The following CALN1 variants were observed in gnomAD, a reference collection of about 807,000 sequenced individuals.
The protein encoded by CALN1 is calcium-binding protein 8.
Under a neutral mutation model 30.6 loss-of-function variants are expected in CALN1, and 17 were observed. The ratio of observed to expected loss-of-function variants is 0.56; its 90% CI spans 0.38 to 0.83. The LOEUF is 0.83. Ranked by LOEUF, CALN1 falls within the 40% of genes least tolerant of loss-of-function variation. The pLI is 0.00. For missense variants in CALN1, 291 were observed against 354.9 expected (o/e 0.82, Z 1.45); for synonymous variants, 156 against 131.4 (o/e 1.19, Z -1.28).
chr7:72,392,571 G>A (rs1805643567), intron 2 of CALN1, among the ~76,000 whole-genome samples: 1 of 152,188 alleles, frequency 6.6e-6, no homozygotes, highest in African/African-American at 2.4e-5. Flanking sequence ...TGTACCCAGA[G>A]TAGTACTGTC....
chr7:72,164,251 C>T (rs1449925776), intron 3 of CALN1, among the ~76,000 whole-genome samples: 1 of 151,566 alleles, frequency 6.6e-6, no homozygotes, highest in Non-Finnish European at 1.5e-5. Flanking sequence ...GCCTATAATC[C>T]TAGCCACTCT....
intron 5 of CALN1, among the ~76,000 whole-genome samples, chr7:71,855,247 T>TG (rs1183093888): frequency 6.6e-6 from 1 of 152,186 alleles, no homozygotes; most frequent in African/African-American, 2.4e-5. Context: ...GATGCAAACT[T>TG]GCATGTCTCA....
Position 71,783,268 on chromosome 7 carries a change from AG to A in CALN1, c.*4506del, listed in dbSNP as rs2115769545. On this transcript the variant is annotated 3_prime_UTR_variant, in exon 7 of 7. Transcript: ENST00000395275. The stretch of plus-strand genomic sequence containing the variant: ...CTGCAGACCTCCTGGTTATACAACC[AG>A]GATGTGTGACGTGCTGAAGTCTAAA... 1 of 152,272 alleles carries A rather than the reference AG, an allele frequency of 6.6e-6. No homozygotes were observed. The highest frequency in any genetic ancestry group is 1.9e-4 in the East Asian group (1 of 5,166). 9.4% of individuals were successfully genotyped at this position (152,272 alleles called of 1,614,324 possible). A position where few individuals can be genotyped will look rare whatever the true frequency, so the allele number is the denominator to read the frequency against.
chr7:72,287,472 G>A (rs1277676406), intron 2 of CALN1, among the ~76,000 whole-genome samples: 6 of 109,592 alleles, frequency 5.5e-5, no homozygotes, highest in African/African-American at 1.1e-4. Flanking sequence ...TTGAGACAGA[G>A]TCTCGGCTCT....
chr7:72,231,143 G>A (rs1794072862), intron 3 of CALN1, among the ~76,000 whole-genome samples: 1 of 151,432 alleles, frequency 6.6e-6, no homozygotes, highest in Admixed American at 6.6e-5. Flanking sequence ...TTTATTTTAA[G>A]TTCTGGTGTA....
chr7:71,853,311 A>G (rs986631163), intron 5 of CALN1, among the ~76,000 whole-genome samples: 1 of 152,068 alleles, frequency 6.6e-6, no homozygotes, highest in Admixed American at 6.5e-5. Context: ...TATTTATATA[A>G]TTGGCAATTA....
chr7:72,047,578 A>T (rs537015451), intron 4 of CALN1, among the ~76,000 whole-genome samples: 2 of 152,256 alleles, frequency 1.3e-5, no homozygotes, highest in Non-Finnish European at 1.5e-5. Flanking sequence ...AACGGAGCAA[A>T]ACCTTGTCTC....
At chr7:72,047,463 C>T (rs1263511478) in intron 4 of CALN1, among the ~76,000 whole-genome samples, 1 of 152,096 alleles carries the variant, frequency 6.6e-6, no homozygotes, top group Admixed American at 6.5e-5. Flanking sequence ...GTGGTGAGTG[C>T]CTGTAGTCCC....
At chr7:71,864,915 A>C (rs1791499809) in intron 5 of CALN1, among the ~76,000 whole-genome samples, 1 of 152,044 alleles carries the variant, frequency 6.6e-6, no homozygotes, top group Non-Finnish European at 1.5e-5. Context: ...AGGTGGGAGA[A>C]TCTCTTGAGC....
At chr7:71,957,086 G>A (rs568381117) in intron 5 of CALN1, among the ~76,000 whole-genome samples, 2 of 152,092 alleles carry the variant, frequency 1.3e-5, no homozygotes, top group South Asian at 4.2e-4. Context: ...AGCGAAATGA[G>A]ACACCGAGAG....
chr7:72,321,252 G>C (rs907305981), intron 2 of CALN1, among the ~76,000 whole-genome samples: 7 of 152,204 alleles, frequency 4.6e-5, no homozygotes, highest in African/African-American at 1.7e-4. Context: ...GAGCCGGGCA[G>C]GAAACCGTCC....
At chr7:72,186,350 AG>A (rs35417561) in intron 3 of CALN1, among the ~76,000 whole-genome samples, 34,734 of 151,930 alleles carry the variant, frequency 0.23, 4,453 homozygotes, top group Middle Eastern at 0.34. Flanking sequence ...GCCCTCCCTC[AG>A]ATAGGCAAGG....
intron 4 of CALN1, among the ~76,000 whole-genome samples, chr7:72,084,974 C>G (rs1413198260): frequency 6.6e-6 from 1 of 152,162 alleles, no homozygotes; most frequent in Non-Finnish European, 1.5e-5. Context: ...CTCCTTTGTC[C>G]AGCATATCCA....
intron 2 of CALN1, among the ~76,000 whole-genome samples, chr7:72,332,995 C>T (rs141778047): frequency 1.3e-5 from 2 of 152,274 alleles, no homozygotes; most frequent in African/African-American, 2.4e-5. Context: ...TGACTAAAGG[C>T]CCCCACCATC....
intron 2 of CALN1, among the ~76,000 whole-genome samples, chr7:72,299,976 G>C (rs528097742): frequency 6.6e-6 from 1 of 152,028 alleles, no homozygotes; most frequent in South Asian, 2.1e-4. Context: ...CTGCCTCCCC[G>C]GTTTAAGCAT....
At chr7:72,296,501 T>C (rs1798870308) in intron 2 of CALN1, among the ~76,000 whole-genome samples, 1 of 151,690 alleles carries the variant, frequency 6.6e-6, no homozygotes. Context: ...CTGGACTCCT[T>C]TTGGTTGGTA....
At position 72,325,130 on chromosome 7, in the gene CALN1, T is replaced by A. The variant is rs961835521; in HGVS notation, c.120-46320A>T. Among the ~76,000 whole-genome samples, 2 of 151,888 alleles carry A rather than the reference T, an allele frequency of 1.3e-5. 1 individual carries two copies. The highest frequency in any genetic ancestry group is 1.3e-4 in the Admixed American group (2 of 15,236). ...GCCTGGGCAACATGGTGAAACCCCG[T>A]CTCTACAAAAAAATTTTAAAAGTAG... On this transcript the variant is annotated intron_variant, in intron 2 of 6. Coordinates refer to ENST00000395275, the MANE Select transcript of CALN1 (RefSeq NM_031468.4).
chr7:72,469,466 G>A, the CALN1 span, among the ~76,000 whole-genome samples: 22 of 152,016 alleles, frequency 1.4e-4, 2 homozygotes, highest in Admixed American at 8.5e-4. Flanking sequence ...TTGCCATCTC[G>A]GCTCACTGCA....
upstream of CALN1, among the ~76,000 whole-genome samples, chr7:72,448,499 G>T (rs1280425008): frequency 6.6e-6 from 1 of 152,104 alleles, no homozygotes; most frequent in African/African-American, 2.4e-5. Context: ...GCCTGTCTTG[G>T]CTAAGACCGC....
Sources: allele counts gnomAD v4.1 joint callset (sites outside exome capture counted in the v4.1 genomes callset), GRCh38; gene constraint gnomAD v4.1.1; transcripts MANE v1.5; gene names NCBI Gene and HGNC (gene_info 2026-07-23, HGNC 2026-07-21).